TCEA1: variants seen among roughly 807,000 people sequenced by gnomAD.
TCEA1 encodes transcription elongation factor A1.
In TCEA1, 21 loss-of-function variants were observed where a neutral mutation model predicts 43.8. That is an observed-to-expected ratio of 0.48 (90% CI 0.34 to 0.69). The LOEUF is 0.69. Among genes scored for constraint, TCEA1 ranks in the 30% least tolerant of loss-of-function variants. The pLI is 0.01. For synonymous variants in TCEA1, 104 were observed against 117.5 expected (o/e 0.88, Z 0.75); for missense variants, 250 against 365.1 (o/e 0.68, Z 2.57).
intron 3 of TCEA1, among the ~76,000 whole-genome samples, chr8:53,994,382 C>T (rs1803981296): frequency 6.6e-6 from 1 of 152,238 alleles, no homozygotes; most frequent in South Asian, 2.1e-4. Flanking sequence ...AAAGCATACA[C>T]AGCAATATTG....
chr8:54,013,539 C>T (rs920452423), intron 1 of TCEA1, among the ~76,000 whole-genome samples: 1 of 151,658 alleles, frequency 6.6e-6, no homozygotes, highest in African/African-American at 2.4e-5. Context: ...ATTAGCGGGG[C>T]GTGGTGGCGG....
chr8:53,978,514 G>C (rs1169358866), intron 8 of TCEA1: 1 of 153,196 alleles, frequency 6.5e-6, no homozygotes, highest in Non-Finnish European at 1.5e-5. Flanking sequence ...TCACTGTAAT[G>C]CTACCTACCC....
At chr8:54,017,267 G>A (rs1804861221) in intron 1 of TCEA1, among the ~76,000 whole-genome samples, 1 of 152,116 alleles carries the variant, frequency 6.6e-6, no homozygotes, top group African/African-American at 2.4e-5. Flanking sequence ...AAAAGCCACT[G>A]AATTAACAGT....
At chr8:53,977,568 A>C (rs1215306028) in intron 8 of TCEA1, among the ~76,000 whole-genome samples, 1 of 152,208 alleles carries the variant, frequency 6.6e-6, no homozygotes, top group Non-Finnish European at 1.5e-5. Flanking sequence ...TTAAGTGCTT[A>C]ATGTTCTATC....
intron 1 of TCEA1, among the ~76,000 whole-genome samples, chr8:54,017,496 T>C (rs1335572349): frequency 6.6e-6 from 1 of 152,154 alleles, no homozygotes; most frequent in Non-Finnish European, 1.5e-5. Context: ...TTTGAGACAT[T>C]GTCTCGCTCT....
chr8:54,009,944 A>G (rs1465157629), intron 2 of TCEA1, among the ~76,000 whole-genome samples: 10 of 152,138 alleles, frequency 6.6e-5, no homozygotes, highest in Non-Finnish European at 1.3e-4. Flanking sequence ...TTAAACATCT[A>G]TAAATATTAT....
intron 9 of TCEA1, among the ~76,000 whole-genome samples, chr8:53,969,452 A>C (rs993983062): frequency 2.0e-5 from 3 of 152,206 alleles, no homozygotes; most frequent in African/African-American, 7.2e-5. Flanking sequence ...CTAAGTGAAT[A>C]ATTCAAAATG....
chr8:53,983,391 C>T (rs556347555), intron 7 of TCEA1, among the ~76,000 whole-genome samples: 4 of 152,256 alleles, frequency 2.6e-5, no homozygotes, highest in Non-Finnish European at 4.4e-5. Flanking sequence ...TTCACTAAAA[C>T]GTTGAAATTG....
At chr8:54,021,719 G>A (rs1359973096) in intron 1 of TCEA1, 2 of 213,362 alleles carry the variant, frequency 9.4e-6, no homozygotes, top group Non-Finnish European at 1.8e-5. Context: ...AAGTTCTGAG[G>A]ACTTTCTACG....
At chr8:53,986,832 T>G in intron 6 of TCEA1, 137 bp downstream of exon 6, 1 of 642,936 alleles carries the variant, frequency 1.6e-6, no homozygotes, top group East Asian at 2.9e-5. Flanking sequence ...GCTTCTGTTT[T>G]CTCTCTGTAA....
chr8:53,980,948 A>G (rs757776666), intron 7 of TCEA1, among the ~76,000 whole-genome samples: 4 of 152,242 alleles, frequency 2.6e-5, no homozygotes, highest in Non-Finnish European at 5.9e-5. Context: ...ACACATGAAT[A>G]ATGATCAAAA....
intron 2 of TCEA1, among the ~76,000 whole-genome samples, chr8:54,008,795 T>C (rs909449942): frequency 6.6e-6 from 1 of 151,546 alleles, no homozygotes; most frequent in Non-Finnish European, 1.5e-5. Flanking sequence ...AAAACCACCA[T>C]GAGATACCAT....
chr8:53,993,127 ATTTTTTTTTTTTT>A (rs11306062), intron 4 of TCEA1, among the ~76,000 whole-genome samples: 1 of 84,190 alleles, frequency 1.2e-5, no homozygotes, highest in South Asian at 4.7e-4. Context: ...TACATGGCTA[ATTTTTTTTTTTTT>A]TTTTTTTTTT....
At position 54,002,815 on chromosome 8, in the gene TCEA1, A is replaced by T. The variant is rs535064815; in HGVS notation, c.127-2765T>A. The T allele has an allele frequency of 4.2e-4, 187 of 444,354 alleles. 2 individuals are homozygous for T. Among genetic ancestry groups the T allele is most frequent in the African/African-American group, 3.6e-3 (177 of 49,560 alleles). 27.5% of individuals were successfully genotyped at this position (444,354 alleles called of 1,614,324 possible). ...CTTTCAGGACAAACTATACATCGTG[A>T]AACTCTAGCAGATAAAATATGTGCC... On this transcript the variant is annotated intron_variant, in intron 2 of 9. Coordinates refer to ENST00000521604, the MANE Select transcript of TCEA1 (RefSeq NM_006756.4).
intron 6 of TCEA1, among the ~76,000 whole-genome samples, chr8:53,985,336 A>G (rs1026708146): frequency 1.3e-5 from 2 of 152,002 alleles, no homozygotes; most frequent in African/African-American, 4.8e-5. Flanking sequence ...TTTATTTCCT[A>G]AATGTTTAGT....
chr8:53,982,735 C>T (rs968702623), intron 7 of TCEA1, among the ~76,000 whole-genome samples: 2 of 151,746 alleles, frequency 1.3e-5, no homozygotes, highest in African/African-American at 4.8e-5. Flanking sequence ...ATAATAAAAG[C>T]TGAATAGATG....
chr8:53,978,116 T>C (rs1334005066), intron 8 of TCEA1, among the ~76,000 whole-genome samples: 2 of 152,162 alleles, frequency 1.3e-5, no homozygotes, highest in African/African-American at 4.8e-5. Context: ...GAAAGCATTC[T>C]GACAAGGCAC....
intron 2 of TCEA1, chr8:54,010,162 AAGAATCCAACTTCCTCTCACAGTG>A: frequency 2.9e-6 from 1 of 349,054 alleles, no homozygotes; most frequent in Non-Finnish European, 5.1e-6. Context: ...AATCAGGGCC[AAGAATCCAACTTCCTCTCACAGTG>A]AGATTTCACT....
chr8:54,006,795 T>C (rs780989618), intron 2 of TCEA1, among the ~76,000 whole-genome samples: 2 of 152,210 alleles, frequency 1.3e-5, no homozygotes, highest in Non-Finnish European at 2.9e-5. Flanking sequence ...CATGACTTAC[T>C]TCCTTTCTCT....
Sources: gnomAD v4.1 joint callset for allele counts (sites outside exome capture counted in the v4.1 genomes callset) on GRCh38, gnomAD v4.1.1 for gene constraint, MANE v1.5 for transcripts, NCBI Gene and HGNC (gene_info 2026-07-23, HGNC 2026-07-21) for gene names.